MAL2: variants seen among roughly 807,000 people sequenced by gnomAD.
The protein encoded by MAL2 is protein MAL2.
A neutral mutation model predicts 18.1 loss-of-function variants in MAL2; 17 were observed. The ratio of observed to expected loss-of-function variants is 0.94; its 90% CI spans 0.64 to 1.41. The LOEUF is 1.41. Ranked by LOEUF, MAL2 falls within the 40% of genes most tolerant of loss-of-function variation. MAL2 has a pLI of 0.00. For synonymous variants in MAL2, 102 were observed against 102.3 expected (o/e 1.00, Z 0.02); for missense variants, 222 against 231.9 (o/e 0.96, Z 0.28).
intron 1 of MAL2, chr8:119,215,245 T>C (rs1350366059): frequency 6.6e-6 from 1 of 152,314 alleles, no homozygotes; most frequent in African/African-American, 2.4e-5. Context: ...GAAGTACATA[T>C]TCTCGCTTCA....
At position 119,245,485 on chromosome 8, in the gene MAL2, T is replaced by C. The variant is rs1389140892; in HGVS notation, c.*1997T>C. On this transcript the variant is annotated 3_prime_UTR_variant, in exon 4 of 4. Transcript: ENST00000614891. ...ATCTGTGAATACTTAGATTTGTAGC[T>C]TAATCACATTCTAGACTTGTGAGTT... 2 of 152,640 alleles carry C rather than the reference T, an allele frequency of 1.3e-5. No individual in the cohort carries two copies. Among genetic ancestry groups the C allele is most frequent in the East Asian group, 1.9e-4 (1 of 5,184 alleles). 9.5% of individuals were successfully genotyped at this position (152,640 alleles called of 1,614,324 possible).
intron 1 of MAL2, among the ~76,000 whole-genome samples, chr8:119,214,304 C>A (rs1005044061): frequency 6.6e-6 from 1 of 152,208 alleles, no homozygotes; most frequent in African/African-American, 2.4e-5. Context: ...TCTTGCCCAA[C>A]ATGTAAACTG....
chr8:119,242,330 C>T (rs541521706), intron 3 of MAL2, among the ~76,000 whole-genome samples: 9 of 152,248 alleles, frequency 5.9e-5, no homozygotes, highest in East Asian at 1.9e-4. Context: ...TGTTGTCCTT[C>T]CCTTTCTAAG....
chr8:119,211,254 C>A (rs1439128271), intron 1 of MAL2, among the ~76,000 whole-genome samples: 1 of 152,142 alleles, frequency 6.6e-6, no homozygotes, highest in Non-Finnish European at 1.5e-5. Flanking sequence ...CAGGCACTGT[C>A]CTAAATGCTA....
chr8:119,238,835 C>A lies in MAL2; in HGVS notation c.304-1330C>A, dbSNP rs1269487927. On this transcript the variant is annotated intron_variant, in intron 2 of 3. Coordinates refer to ENST00000614891, the MANE Select transcript of MAL2 (RefSeq NM_052886.3). ...AACCATAAAAACCCTAGAAGAAAAC[C>A]TAGGCATTACCATTCAGGACATAGG... Among the ~76,000 whole-genome samples the A allele has an allele frequency of 6.7e-5, 10 of 150,020 alleles. No individual in the cohort carries two copies. The South Asian group carries it at 1.9e-3, about 28-fold the overall frequency.
rs556156098 is a variant in MAL2, at chr8:119,234,198, G to A, written c.304-5967G>A. On this transcript the variant is annotated intron_variant, in intron 2 of 3. Transcript: ENST00000614891. Reference sequence around the variant, plus strand: ...TTTCCGAGTCAAAGAAAGGGGTGACGGACGCACCGGGAAAATCGGGTCACT... The same window carrying A: ...TTTCCGAGTCAAAGAAAGGGGTGACAGACGCACCGGGAAAATCGGGTCACT... 9.2e-5 allele frequency among the ~76,000 whole-genome samples: 14 copies of A among 152,260 alleles called. No homozygotes were observed. The East Asian group carries it at 9.7e-4, about 11-fold the overall frequency.
At chr8:119,222,424 G>GGAGGCA (rs1327681514) in intron 2 of MAL2, among the ~76,000 whole-genome samples, 1 of 151,692 alleles carries the variant, frequency 6.6e-6, no homozygotes, top group Non-Finnish European at 1.5e-5. Context: ...CAGCTGGTTG[G>GGAGGCA]GAGGCAGAGG....
chr8:119,213,391 CTG>C (rs1170507499), intron 1 of MAL2, among the ~76,000 whole-genome samples: 1 of 139,202 alleles, frequency 7.2e-6, no homozygotes, highest in African/African-American at 2.7e-5. Context: ...AAAATGTTGA[CTG>C]TGAAGGGACA....
intron 3 of MAL2, among the ~76,000 whole-genome samples, chr8:119,240,861 A>G (rs116659918): frequency 0.014 from 2,080 of 152,292 alleles, 48 homozygotes; most frequent in African/African-American, 0.048. Flanking sequence ...CAGATGAAAT[A>G]TATTCCTTGG....
chr8:119,210,801 A>G (rs1275690704), intron 1 of MAL2, among the ~76,000 whole-genome samples: 1 of 152,192 alleles, frequency 6.6e-6, no homozygotes, highest in African/African-American at 2.4e-5. Flanking sequence ...AAAGCTTATT[A>G]GTTTGCTTCT....
At chr8:119,234,624 A>G (rs970185090) in intron 2 of MAL2, among the ~76,000 whole-genome samples, 2 of 151,954 alleles carry the variant, frequency 1.3e-5, no homozygotes, top group Non-Finnish European at 2.9e-5. Context: ...GACCTGGCAG[A>G]CTGCCTCCTC....
intron 2 of MAL2, among the ~76,000 whole-genome samples, chr8:119,227,027 C>T (rs1817610773): frequency 1.3e-5 from 2 of 152,134 alleles, no homozygotes; most frequent in South Asian, 4.1e-4. Flanking sequence ...TACAGTCCAC[C>T]AGGGGTTGGG....
chr8:119,212,212 T>C (rs1458893308), intron 1 of MAL2, among the ~76,000 whole-genome samples: 1 of 152,250 alleles, frequency 6.6e-6, no homozygotes, highest in Non-Finnish European at 1.5e-5. Context: ...GCTTATCTTG[T>C]AAAATGCACA....
At chr8:119,220,344 C>T (rs1043935531) in intron 1 of MAL2, among the ~76,000 whole-genome samples, 3 of 152,214 alleles carry the variant, frequency 2.0e-5, no homozygotes, top group African/African-American at 7.2e-5. Context: ...CTGATTCTTA[C>T]ACTCTGTTGG....
intron 2 of MAL2, among the ~76,000 whole-genome samples, chr8:119,232,397 G>GCATATACTCATATTAAT: frequency 6.6e-6 from 1 of 152,028 alleles, no homozygotes; most frequent in Non-Finnish European, 1.5e-5. Context: ...TGGTTATAAG[G>GCATATACTCATATTAAT]ATGAGTAATA....
At chr8:119,238,806 C>T (rs1316785562) in intron 2 of MAL2, among the ~76,000 whole-genome samples, 1 of 150,996 alleles carries the variant, frequency 6.6e-6, no homozygotes, top group Non-Finnish European at 1.5e-5. Context: ...AACCTTAGAC[C>T]TAAAACCATA....
chr8:119,226,913 G>A (rs996792117), intron 2 of MAL2, among the ~76,000 whole-genome samples: 3 of 152,198 alleles, frequency 2.0e-5, no homozygotes, highest in East Asian at 1.9e-4. Context: ...GATCTGGGCT[G>A]TCAAATGCAA....
chr8:119,237,136 G>A (rs200767953), intron 2 of MAL2, among the ~76,000 whole-genome samples: 5 of 152,082 alleles, frequency 3.3e-5, no homozygotes, highest in African/African-American at 4.8e-5. Context: ...AATACAAACT[G>A]CCATCAGAGA....
chr8:119,213,292 GA>G (rs1460971258), intron 1 of MAL2, among the ~76,000 whole-genome samples: 3 of 152,188 alleles, frequency 2.0e-5, no homozygotes, highest in Non-Finnish European at 4.4e-5. Flanking sequence ...ATAAATCTAT[GA>G]AAGGGACTTC....
Sources: gnomAD v4.1 joint callset for allele counts (sites outside exome capture counted in the v4.1 genomes callset) on GRCh38, gnomAD v4.1.1 for gene constraint, MANE v1.5 for transcripts, NCBI Gene and HGNC (gene_info 2026-07-23, HGNC 2026-07-21) for gene names.